The following SCGB2B2 variants were observed in gnomAD, a reference collection of about 807,000 sequenced individuals.
The protein encoded by SCGB2B2 is secretoglobin-like protein.
A neutral mutation model predicts 7.6 loss-of-function variants in SCGB2B2; 11 were observed. That is an observed-to-expected ratio of 1.45 (90% CI 0.91 to 2.40). The LOEUF is 2.40. Ranked by LOEUF, SCGB2B2 falls within the 30% of genes most tolerant of loss-of-function variation. SCGB2B2 has a pLI of 0.00. For missense variants in SCGB2B2, 104 were observed against 115.4 expected (o/e 0.90, Z 0.45); for synonymous variants, 50 against 48.6 (o/e 1.03, Z -0.12).
intron 1 of SCGB2B2, among the ~76,000 whole-genome samples, chr19:34,604,213 T>C (rs1307651869): frequency 2.0e-5 from 3 of 152,202 alleles, no homozygotes; most frequent in African/African-American, 4.8e-5. Flanking sequence ...CCTCACTCCA[T>C]TGATATCAGG....
At chr19:34,589,732 G>A (rs532559252), downstream of SCGB2B2, among the ~76,000 whole-genome samples, 3 of 152,216 alleles carry the variant, frequency 2.0e-5, no homozygotes, top group African/African-American at 7.2e-5. Context: ...TCCCAGGGCA[G>A]TGTGGATGAT....
intron 1 of SCGB2B2, among the ~76,000 whole-genome samples, chr19:34,666,790 C>A (rs1013496781): frequency 6.6e-6 from 1 of 152,280 alleles, no homozygotes; most frequent in South Asian, 2.1e-4. Flanking sequence ...TGCTGTTGCT[C>A]GTGGGTAGGC....
At chr19:34,612,277 T>C (rs1196579825) in intron 1 of SCGB2B2, among the ~76,000 whole-genome samples, 1 of 151,806 alleles carries the variant, frequency 6.6e-6, no homozygotes, top group African/African-American at 2.4e-5. Flanking sequence ...GACATCGTGA[T>C]CCGCCCACCT....
At chr19:34,648,760 ACT>A in intron 1 of SCGB2B2, among the ~76,000 whole-genome samples, 1 of 151,476 alleles carries the variant, frequency 6.6e-6, no homozygotes, top group Non-Finnish European at 1.5e-5. Context: ...TAAACTTCAT[ACT>A]TTTTTGGTTA....
chr19:34,603,196 G>C (rs1274461050), intron 1 of SCGB2B2, among the ~76,000 whole-genome samples: 6 of 152,194 alleles, frequency 3.9e-5, no homozygotes, highest in Non-Finnish European at 5.9e-5. Flanking sequence ...GAAAAAGCAT[G>C]TTCAGCATTT....
chr19:34,654,134 T>C (rs948538125), intron 1 of SCGB2B2, among the ~76,000 whole-genome samples: 7 of 151,422 alleles, frequency 4.6e-5, no homozygotes, highest in Admixed American at 1.3e-4. Context: ...TTATATACTT[T>C]AGACAAACAT....
intron 1 of SCGB2B2, among the ~76,000 whole-genome samples, chr19:34,630,719 A>G (rs910466698): frequency 4.6e-5 from 7 of 152,282 alleles, no homozygotes; most frequent in African/African-American, 1.7e-4. Flanking sequence ...TTCCTCAGGG[A>G]TCTAGAACTA....
At chr19:34,668,268 T>G (rs990584262) in intron 1 of SCGB2B2, among the ~76,000 whole-genome samples, 2 of 151,996 alleles carry the variant, frequency 1.3e-5, no homozygotes, top group African/African-American at 4.8e-5. Flanking sequence ...GGCGTGGGCT[T>G]GGCGGGCCCC....
intron 1 of SCGB2B2, among the ~76,000 whole-genome samples, chr19:34,619,828 A>C (rs578180827): frequency 6.6e-6 from 1 of 151,746 alleles, no homozygotes; most frequent in Non-Finnish European, 1.5e-5. Flanking sequence ...ACTATTCAAG[A>C]GAATTAAGGT....
At chr19:34,642,437 C>T (rs2066868926) in intron 1 of SCGB2B2, among the ~76,000 whole-genome samples, 2 of 151,922 alleles carry the variant, frequency 1.3e-5, no homozygotes, top group African/African-American at 2.4e-5. Flanking sequence ...GCAAAGGGGC[C>T]GGGCCTGGTG....
At chr19:34,634,039 A>T (rs1343831533) in intron 1 of SCGB2B2, among the ~76,000 whole-genome samples, 1 of 152,186 alleles carries the variant, frequency 6.6e-6, no homozygotes, top group Non-Finnish European at 1.5e-5. Flanking sequence ...GTGAACAGCC[A>T]CAACAGCCTC....
intron 1 of SCGB2B2, among the ~76,000 whole-genome samples, chr19:34,662,053 T>C (rs1430183050): frequency 6.6e-6 from 1 of 152,092 alleles, no homozygotes; most frequent in Non-Finnish European, 1.5e-5. Context: ...CTAATTTTTT[T>C]GTATTTTTAG....
At chr19:34,673,266 G>A (rs890831943) in intron 1 of SCGB2B2, among the ~76,000 whole-genome samples, 3 of 152,050 alleles carry the variant, frequency 2.0e-5, no homozygotes, top group Non-Finnish European at 4.4e-5. Context: ...TCAAGTGTCT[G>A]GCATATTTGT....
intron 1 of SCGB2B2, among the ~76,000 whole-genome samples, chr19:34,629,125 T>C (rs924720388): frequency 1.3e-5 from 2 of 151,992 alleles, no homozygotes; most frequent in African/African-American, 4.8e-5. Flanking sequence ...TATCTCAAAA[T>C]AATAAGAGCT....
intron 1 of SCGB2B2, among the ~76,000 whole-genome samples, chr19:34,599,763 CCT>C (rs926851314): frequency 3.4e-4 from 52 of 152,158 alleles, no homozygotes; most frequent in Admixed American, 7.2e-4. Context: ...CCCTCTTCCC[CCT>C]GTTCCTCAGT....
At chr19:34,639,501 T>A (rs1414370663) in intron 1 of SCGB2B2, among the ~76,000 whole-genome samples, 1 of 152,218 alleles carries the variant, frequency 6.6e-6, no homozygotes, top group Non-Finnish European at 1.5e-5. Flanking sequence ...TCGTGCATAG[T>A]ATCATAAGTA....
intron 1 of SCGB2B2, among the ~76,000 whole-genome samples, chr19:34,618,646 C>T (rs1382421188): frequency 1.3e-5 from 2 of 152,230 alleles, no homozygotes; most frequent in Non-Finnish European, 2.9e-5. Context: ...AAAAGTCATA[C>T]TCCCATACCT....
chr19:34,622,160 A>G (rs1277434498), intron 1 of SCGB2B2, among the ~76,000 whole-genome samples: 1 of 152,210 alleles, frequency 6.6e-6, no homozygotes, highest in Non-Finnish European at 1.5e-5. Context: ...TTTAGCCATC[A>G]ACTCAAGCTC....
At chr19:34,589,874 G>A (rs984589409), downstream of SCGB2B2, among the ~76,000 whole-genome samples, 2 of 152,126 alleles carry the variant, frequency 1.3e-5, no homozygotes, top group Non-Finnish European at 2.9e-5. Context: ...GGAGCCGCAG[G>A]TGCTGCCATG....
Sources: gnomAD v4.1 joint callset for allele counts (sites outside exome capture counted in the v4.1 genomes callset) on GRCh38, gnomAD v4.1.1 for gene constraint, MANE v1.5 for transcripts, NCBI Gene and HGNC (gene_info 2026-07-23, HGNC 2026-07-21) for gene names.